RASEF: variants seen among roughly 807,000 people sequenced by gnomAD.
The protein encoded by RASEF is RAS and EF-hand domain containing.
A neutral mutation model predicts 90.1 loss-of-function variants in RASEF; 68 were observed. The observed-to-expected ratio is 0.75, with a 90% CI of 0.62 to 0.92. RASEF has a LOEUF of 0.92. Among genes scored for constraint, RASEF ranks in the 40% least tolerant of loss-of-function variants. The pLI is 0.00. For missense variants in RASEF, 949 were observed against 937.2 expected (o/e 1.01, Z -0.16); for synonymous variants, 331 against 345.2 (o/e 0.96, Z 0.46).
intron 16 of RASEF, among the ~76,000 whole-genome samples, chr9:82,983,984 C>T (rs1051348761): frequency 6.6e-5 from 10 of 152,172 alleles, no homozygotes; most frequent in Non-Finnish European, 1.5e-4. Context: ...CCACCTCTGC[C>T]AACTGTGAGA....
chr9:83,214,432 AAT>A, the RASEF span, among the ~76,000 whole-genome samples: 1 of 152,204 alleles, frequency 6.6e-6, no homozygotes, highest in Non-Finnish European at 1.5e-5. Flanking sequence ...ATATTTAAAG[AAT>A]ATGTGTGGAT....
the RASEF span, among the ~76,000 whole-genome samples, chr9:83,165,966 T>C: frequency 2.6e-5 from 4 of 152,042 alleles, no homozygotes; most frequent in East Asian, 1.9e-4. Flanking sequence ...ACAGGAAAAA[T>C]TGGGTAATCT....
At chr9:83,023,690 C>T (rs998956798) in intron 2 of RASEF, among the ~76,000 whole-genome samples, 8 of 152,194 alleles carry the variant, frequency 5.3e-5, no homozygotes, top group Non-Finnish European at 1.0e-4. Context: ...TAAATACCTG[C>T]TATTTGAAGT....
chr9:83,148,679 C>T, the RASEF span, among the ~76,000 whole-genome samples: 5 of 152,160 alleles, frequency 3.3e-5, no homozygotes, highest in African/African-American at 4.8e-5. Flanking sequence ...GAAACTGATA[C>T]GATGTGGATT....
At chr9:83,166,047 C>T in the RASEF span, among the ~76,000 whole-genome samples, 1 of 152,024 alleles carries the variant, frequency 6.6e-6, no homozygotes, top group Non-Finnish European at 1.5e-5. Context: ...AACTTCAGGT[C>T]AAGATGGGTT....
chr9:83,123,523 A>G, the RASEF span, among the ~76,000 whole-genome samples: 1 of 151,358 alleles, frequency 6.6e-6, no homozygotes, highest in Admixed American at 6.6e-5. Flanking sequence ...ATCTCACTTC[A>G]GAAACAGCAA....
the RASEF span, among the ~76,000 whole-genome samples, chr9:83,075,281 T>C: frequency 6.6e-6 from 1 of 152,216 alleles, no homozygotes; most frequent in East Asian, 1.9e-4. Context: ...TCTATTTATA[T>C]TCTTTCTGTA....
At chr9:83,218,458 G>T in the RASEF span, among the ~76,000 whole-genome samples, 1 of 152,024 alleles carries the variant, frequency 6.6e-6, no homozygotes, top group Non-Finnish European at 1.5e-5. Flanking sequence ...CACCCTGAAT[G>T]TGAGGTCATC....
chr9:83,142,233 C>G, the RASEF span, among the ~76,000 whole-genome samples: 2 of 152,284 alleles, frequency 1.3e-5, no homozygotes, highest in East Asian at 3.9e-4. Context: ...ATCAAGCTTC[C>G]TCTGTGGAAA....
the RASEF span, among the ~76,000 whole-genome samples, chr9:83,182,401 G>T: frequency 1.3e-5 from 2 of 152,214 alleles, no homozygotes; most frequent in South Asian, 4.2e-4. Context: ...TTTGTTTATG[G>T]TCATAAATCT....
the RASEF span, among the ~76,000 whole-genome samples, chr9:83,111,233 T>C: frequency 6.6e-6 from 1 of 152,152 alleles, no homozygotes; most frequent in Non-Finnish European, 1.5e-5. Context: ...ATGAAATACT[T>C]AATGAAACAA....
intron 1 of RASEF, among the ~76,000 whole-genome samples, chr9:83,058,172 C>CTTTTAT (rs1830135842): frequency 1.7e-5 from 1 of 57,888 alleles, no homozygotes; most frequent in African/African-American, 6.9e-5. Context: ...GTATTTATGT[C>CTTTTAT]TTTTTTTTTT....
At chr9:83,058,375 G>A (rs1354306887) in intron 1 of RASEF, among the ~76,000 whole-genome samples, 1 of 148,528 alleles carries the variant, frequency 6.7e-6, no homozygotes, top group African/African-American at 2.6e-5. Flanking sequence ...GTAGAGACGG[G>A]GTTTCACCGT....
the RASEF span, among the ~76,000 whole-genome samples, chr9:83,087,220 C>T: frequency 5.9e-5 from 9 of 152,068 alleles, no homozygotes; most frequent in African/African-American, 1.2e-4. Context: ...TTGCTGTGGA[C>T]GGAATTGTGT....
chr9:83,103,807 T>C, the RASEF span, among the ~76,000 whole-genome samples: 1 of 152,222 alleles, frequency 6.6e-6, no homozygotes, highest in Non-Finnish European at 1.5e-5. Context: ...TCCAAATATC[T>C]ATAGGCTAAT....
chr9:82,992,730 G>A (rs1365102505), intron 15 of RASEF, among the ~76,000 whole-genome samples, 176 bp downstream of exon 15: 1 of 152,138 alleles, frequency 6.6e-6, no homozygotes, highest in East Asian at 1.9e-4. Flanking sequence ...CTTAATCCTT[G>A]GCATAAAAGA....
chr9:83,207,267 T>C, the RASEF span, among the ~76,000 whole-genome samples: 1 of 152,200 alleles, frequency 6.6e-6, no homozygotes, highest in Non-Finnish European at 1.5e-5. Flanking sequence ...TCACACCGGT[T>C]GTGAAAAAGT....
Position 82,980,014 on chromosome 9 carries a change from A to T in RASEF, c.*2663T>A, listed in dbSNP as rs1215834562. Reference sequence around the variant, plus strand: ...TATGTCATATAAAGCAGCAAGTGAAAAAAATAAATTATGAAAATGCATGGG... The same window carrying T: ...TATGTCATATAAAGCAGCAAGTGAATAAAATAAATTATGAAAATGCATGGG... On this transcript the variant is annotated 3_prime_UTR_variant, in exon 17 of 17. Coordinates refer to ENST00000376447, the MANE Select transcript of RASEF (RefSeq NM_152573.4). The T allele has an allele frequency of 6.6e-6, 1 of 152,234 alleles. No individual in the cohort carries two copies. Among genetic ancestry groups the T allele is most frequent in the Admixed American group, 6.5e-5 (1 of 15,284 alleles). 9.4% of individuals were successfully genotyped at this position (152,234 alleles called of 1,614,324 possible).
At chr9:83,014,293 T>C (rs1053962055) in intron 4 of RASEF, among the ~76,000 whole-genome samples, 15 of 152,154 alleles carry the variant, frequency 9.9e-5, no homozygotes, top group African/African-American at 3.6e-4. Flanking sequence ...ATACAAAATA[T>C]AGCTAATTGC....
Sources: gnomAD v4.1 joint callset for allele counts (sites outside exome capture counted in the v4.1 genomes callset) on GRCh38, gnomAD v4.1.1 for gene constraint, MANE v1.5 for transcripts, NCBI Gene and HGNC (gene_info 2026-07-23, HGNC 2026-07-21) for gene names.